The following RORA variants were observed in gnomAD, a reference collection of about 807,000 sequenced individuals.
RORA encodes nuclear receptor ROR-alpha.
A neutral mutation model predicts 69.5 loss-of-function variants in RORA; 7 were observed. That is an observed-to-expected ratio of 0.10 (90% CI 0.06 to 0.19). The LOEUF is 0.19. Among genes scored for constraint, RORA ranks in the 10% least tolerant of loss-of-function variants. The probability of loss-of-function intolerance (pLI) is 1.00; values close to 1 mark genes in which losing one functional copy is unlikely to be tolerated. For missense variants in RORA, 457 were observed against 663.0 expected, an observed-to-expected ratio of 0.69 and a Z score of 3.41; for synonymous variants, 261 against 240.8, an observed-to-expected ratio of 1.08 and a Z score of -0.78.
chr15:60,887,285 G>T (rs1261783925), intron 1 of RORA, among the ~76,000 whole-genome samples: 2 of 152,182 alleles, frequency 1.3e-5, no homozygotes, highest in Non-Finnish European at 2.9e-5. Flanking sequence ...AAGGGATCCA[G>T]TTATTTGGCC....
At chr15:60,865,378 C>G (rs146785280) in intron 1 of RORA, among the ~76,000 whole-genome samples, 1 of 152,178 alleles carries the variant, frequency 6.6e-6, no homozygotes, top group East Asian at 1.9e-4. Flanking sequence ...AAGCATATAG[C>G]CCTGGGCTTA....
At chr15:60,700,677 G>C (rs1337149189) in intron 1 of RORA, among the ~76,000 whole-genome samples, 1 of 152,164 alleles carries the variant, frequency 6.6e-6, no homozygotes, top group Non-Finnish European at 1.5e-5. Context: ...ATGAAGAAAG[G>C]CACCTGGCTT....
chr15:60,955,667 G>A (rs576042996), intron 1 of RORA, among the ~76,000 whole-genome samples: 54 of 152,198 alleles, frequency 3.5e-4, no homozygotes, highest in Non-Finnish European at 6.6e-4. Context: ...TACAACTGCT[G>A]TCTTTTGCTG....
intron 1 of RORA, among the ~76,000 whole-genome samples, chr15:61,124,797 C>A (rs1431377887): frequency 6.6e-6 from 1 of 152,172 alleles, no homozygotes; most frequent in Non-Finnish European, 1.5e-5. Context: ...GCCTCAGTTT[C>A]TCCATCTGAT....
intron 1 of RORA, among the ~76,000 whole-genome samples, chr15:60,730,705 T>C (rs2071418667): frequency 6.6e-6 from 1 of 152,236 alleles, no homozygotes; most frequent in Admixed American, 6.5e-5. Flanking sequence ...CTTAATACTA[T>C]ATCATGGATT....
intron 1 of RORA, among the ~76,000 whole-genome samples, chr15:61,208,648 G>A (rs1354884652): frequency 6.6e-6 from 1 of 152,148 alleles, no homozygotes; most frequent in Non-Finnish European, 1.5e-5. Context: ...TAGAATATCA[G>A]AGCTGGCAGG....
At chr15:60,746,514 GA>G (rs889975068) in intron 1 of RORA, among the ~76,000 whole-genome samples, 8 of 149,938 alleles carry the variant, frequency 5.3e-5, no homozygotes, top group Admixed American at 3.3e-4. Flanking sequence ...GAAAGGGAGA[GA>G]AAAAAAAACA....
chr15:60,648,572 A>G (rs2070093512), intron 2 of RORA, among the ~76,000 whole-genome samples: 3 of 152,246 alleles, frequency 2.0e-5, no homozygotes, highest in African/African-American at 2.4e-5. Context: ...ATCACAACAC[A>G]TGAGAGCAAA....
chr15:61,042,734 T>C (rs1485322994), intron 1 of RORA, among the ~76,000 whole-genome samples: 3 of 152,224 alleles, frequency 2.0e-5, no homozygotes, highest in Non-Finnish European at 2.9e-5. Context: ...CGTCCCTCCA[T>C]AGCCTGCTTC....
intron 1 of RORA, among the ~76,000 whole-genome samples, chr15:60,814,660 A>C (rs567799462): frequency 6.6e-6 from 1 of 152,304 alleles, no homozygotes; most frequent in East Asian, 1.9e-4. Flanking sequence ...CCATCAGAAG[A>C]GGAAGCTCCT....
chr15:60,685,593 A>T (rs1241133626), intron 1 of RORA, among the ~76,000 whole-genome samples: 1 of 152,228 alleles, frequency 6.6e-6, no homozygotes, highest in Non-Finnish European at 1.5e-5. Flanking sequence ...AAACAAAATG[A>T]TGTTACAAAA....
intron 1 of RORA, among the ~76,000 whole-genome samples, chr15:61,197,940 T>C (rs1470635033): frequency 9.2e-5 from 14 of 152,122 alleles, no homozygotes; most frequent in Admixed American, 9.2e-4. Flanking sequence ...CTTTGGCTGC[T>C]GCTTGTTTTG....
At chr15:60,766,875 C>A (rs2140877680) in intron 1 of RORA, among the ~76,000 whole-genome samples, 1 of 152,242 alleles carries the variant, frequency 6.6e-6, no homozygotes, top group East Asian at 1.9e-4. Context: ...GCCCTCCAAC[C>A]ATGAAGCATC....
At chr15:61,070,666 C>T (rs80296677) in intron 1 of RORA, among the ~76,000 whole-genome samples, 6,979 of 152,322 alleles carry the variant, frequency 0.046, 204 homozygotes, top group Middle Eastern at 0.082. Context: ...AAAATGTTTG[C>T]ACATGCTGAA....
chr15:61,007,353 A>G (rs914851300), intron 1 of RORA, among the ~76,000 whole-genome samples: 1 of 152,212 alleles, frequency 6.6e-6, no homozygotes, highest in Non-Finnish European at 1.5e-5. Flanking sequence ...GACTAAAACA[A>G]GGAATGGAAT....
At chr15:60,588,459 T>TCCAC (rs986476497) in intron 2 of RORA, among the ~76,000 whole-genome samples, 2 of 151,772 alleles carry the variant, frequency 1.3e-5, no homozygotes, top group Non-Finnish European at 2.9e-5. Flanking sequence ...CATCCATCCA[T>TCCAC]CCATCCATCC....
chr15:60,536,186 G>A (rs988077742), intron 2 of RORA, among the ~76,000 whole-genome samples: 1 of 152,170 alleles, frequency 6.6e-6, no homozygotes, highest in African/African-American at 2.4e-5. Context: ...TTTCATACTT[G>A]AAGATTCAAG....
At chr15:61,186,926 G>C (rs1470165099) in intron 1 of RORA, among the ~76,000 whole-genome samples, 1 of 152,176 alleles carries the variant, frequency 6.6e-6, no homozygotes, top group African/African-American at 2.4e-5. Context: ...CCTCTGTGCT[G>C]GCTTCTCTTG....
chr15:60,659,025 C>CGCAAACCTGCT (rs1490569878), intron 2 of RORA, among the ~76,000 whole-genome samples: 8 of 152,228 alleles, frequency 5.3e-5, no homozygotes, highest in Admixed American at 2.6e-4. Flanking sequence ...AGGAACATGC[C>CGCAAACCTGCT]GCAAACCTGC....
Sources: allele counts gnomAD v4.1 joint callset (sites outside exome capture counted in the v4.1 genomes callset), GRCh38; gene constraint gnomAD v4.1.1; transcripts MANE v1.5; gene names NCBI Gene and HGNC (gene_info 2026-07-23, HGNC 2026-07-21).